Variants in NRG1 observed in about 807,000 individuals in gnomAD.
NRG1 encodes the protein pro-neuregulin-1, membrane-bound isoform.
NRG1 carries 18 observed loss-of-function variants against 63.8 expected under a neutral mutation model. The observed-to-expected ratio is 0.28, with a 90% CI of 0.19 to 0.42. The LOEUF (loss-of-function observed/expected upper bound fraction) is 0.42, where lower values mean the gene tolerates loss of function less well. NRG1 is among the 10% of genes least tolerant of loss of function. NRG1 has a pLI of 1.00. For missense variants in NRG1, 762 were observed against 814.7 expected (o/e 0.94, Z 0.79); for synonymous variants, 302 against 301.3 (o/e 1.00, Z -0.02).
chr8:32,384,169 C>G (rs1810699760), intron 1 of NRG1, among the ~76,000 whole-genome samples: 1 of 152,044 alleles, frequency 6.6e-6, no homozygotes, highest in East Asian at 1.9e-4. Context: ...GGGAGGAGTT[C>G]AAGGCTGCAG....
At chr8:31,909,778 G>A (rs150999426) in intron 1 of NRG1, among the ~76,000 whole-genome samples, 9 of 152,258 alleles carry the variant, frequency 5.9e-5, no homozygotes, top group Admixed American at 2.0e-4. Context: ...CCTATCAAGC[G>A]GTGCGTTGTA....
intron 5 of NRG1, among the ~76,000 whole-genome samples, chr8:32,673,842 A>T (rs1268612052): frequency 9.9e-5 from 15 of 152,196 alleles, no homozygotes; most frequent in Non-Finnish European, 2.1e-4. Flanking sequence ...ACTTGAGCTG[A>T]ATGCTCTTGT....
intron 1 of NRG1, among the ~76,000 whole-genome samples, chr8:32,392,409 T>C (rs1002058856): frequency 6.6e-6 from 1 of 152,216 alleles, no homozygotes; most frequent in African/African-American, 2.4e-5. Flanking sequence ...AGTAAAAACA[T>C]GGGAAGGCAG....
chr8:32,264,784 T>A (rs1022580032), intron 1 of NRG1, among the ~76,000 whole-genome samples: 11 of 152,172 alleles, frequency 7.2e-5, no homozygotes, highest in African/African-American at 2.6e-4. Flanking sequence ...TACTGCTCTA[T>A]TAGTGGTTCC....
intron 5 of NRG1, chr8:32,722,025 G>A (rs1180724949): frequency 2.6e-6 from 4 of 1,548,130 alleles, no homozygotes; most frequent in Non-Finnish European, 3.5e-6. Context: ...AAACACATAA[G>A]CATTGAAGAT....
At chr8:32,519,519 C>T (rs115784675) in intron 1 of NRG1, among the ~76,000 whole-genome samples, 1,880 of 151,256 alleles carry the variant, frequency 0.012, 39 homozygotes, top group African/African-American at 0.042. Flanking sequence ...TGAGATTATA[C>T]GCAAGATTTG....
chr8:32,059,254 A>G (rs967274253), intron 1 of NRG1, among the ~76,000 whole-genome samples: 1 of 151,742 alleles, frequency 6.6e-6, no homozygotes. Flanking sequence ...CTATCATATT[A>G]TCTAGTCTAT....
At chr8:32,101,453 A>G (rs1409516877) in intron 1 of NRG1, among the ~76,000 whole-genome samples, 1 of 149,496 alleles carries the variant, frequency 6.7e-6, no homozygotes, top group Non-Finnish European at 1.5e-5. Flanking sequence ...AGTCTTTTTC[A>G]TACCTTCTTG....
chr8:31,781,974 A>G (rs1473654505), intron 1 of NRG1, among the ~76,000 whole-genome samples: 1 of 152,130 alleles, frequency 6.6e-6, no homozygotes, highest in Non-Finnish European at 1.5e-5. Context: ...CCCTCCACTG[A>G]ACCCACCTGG....
Position 32,531,358 on chromosome 8 carries a change from G to T in NRG1, c.38-64470G>T, listed in dbSNP as rs572429406. 5.9e-5 allele frequency among the ~76,000 whole-genome samples: 9 copies of T among 152,176 alleles called. No homozygotes were observed. In the South Asian group the frequency reaches 1.2e-3, roughly 21 times the overall value. ...TTCTAGTCACTTAAAATGCCTCCAAGAAAGTCACTGTTTTTGTCCATTTAT... is the reference window on the plus strand; with the variant it reads ...TTCTAGTCACTTAAAATGCCTCCAATAAAGTCACTGTTTTTGTCCATTTAT... On this transcript the variant is annotated intron_variant, in intron 1 of 10. Coordinates refer to the NRG1 transcript ENST00000519301.
chr8:32,386,629 C>A (rs959491860), intron 1 of NRG1, among the ~76,000 whole-genome samples: 1 of 152,104 alleles, frequency 6.6e-6, no homozygotes, highest in African/African-American at 2.4e-5. Context: ...ATTCTAAGGC[C>A]TATAAAGTAT....
At chr8:32,174,789 T>C (rs1248822865) in intron 1 of NRG1, among the ~76,000 whole-genome samples, 2 of 152,138 alleles carry the variant, frequency 1.3e-5, no homozygotes, top group African/African-American at 4.8e-5. Flanking sequence ...CAGGAAGAAG[T>C]TGAATCTCTG....
In NRG1 at chr8:32,681,770, T is replaced by C. The variant is rs1189062973; in HGVS notation, c.503-46179T>C. ...ACAGGAAACTGTCTGCAAATAAACATGTATAATGATTTTAGTGTATATGAC... is the reference window on the plus strand; with the variant it reads ...ACAGGAAACTGTCTGCAAATAAACACGTATAATGATTTTAGTGTATATGAC... On this transcript the variant is annotated intron_variant, in intron 5 of 11. Coordinates refer to ENST00000356819, the Ensembl canonical transcript of NRG1. 5.3e-5 allele frequency among the ~76,000 whole-genome samples: 8 copies of C among 152,288 alleles called. No homozygotes were observed. In the South Asian group the frequency reaches 1.2e-3, roughly 24 times the overall value.
intron 1 of NRG1, among the ~76,000 whole-genome samples, chr8:32,534,880 A>G (rs1468924246): frequency 6.6e-6 from 1 of 152,120 alleles, no homozygotes; most frequent in Non-Finnish European, 1.5e-5. Context: ...GCATTCTAAG[A>G]TTGTTCCAGG....
chr8:32,049,763 A>G (rs1821674158), intron 1 of NRG1, among the ~76,000 whole-genome samples: 1 of 152,158 alleles, frequency 6.6e-6, no homozygotes, highest in Non-Finnish European at 1.5e-5. Context: ...GAAAGGGAAG[A>G]TGATGATTTT....
At chr8:32,445,445 A>G (rs984295914) in intron 1 of NRG1, among the ~76,000 whole-genome samples, 1 of 152,178 alleles carries the variant, frequency 6.6e-6, no homozygotes, top group Non-Finnish European at 1.5e-5. Flanking sequence ...ATTTCCCCTA[A>G]GAATCCTGCT....
Position 32,488,811 on chromosome 8 carries a change from A to G in NRG1, c.38-107017A>G, listed in dbSNP as rs1196271439. Among the ~76,000 whole-genome samples the G allele has an allele frequency of 2.6e-5, 4 of 152,134 alleles. No individual in the cohort carries two copies. In the East Asian group the frequency reaches 7.7e-4, roughly 29 times the overall value. On this transcript the variant is annotated intron_variant, in intron 1 of 10. Coordinates refer to the NRG1 transcript ENST00000519301. Reference sequence around the variant, plus strand: ...CAGAAATCTGTAGCATCTAGATCAGAGTGACACCTCAGAGTTTCGAGTAAC... The same window carrying G: ...CAGAAATCTGTAGCATCTAGATCAGGGTGACACCTCAGAGTTTCGAGTAAC...
chr8:32,250,539 A>G (rs985116423), intron 1 of NRG1, among the ~76,000 whole-genome samples: 2 of 121,388 alleles, frequency 1.6e-5, no homozygotes, highest in African/African-American at 6.6e-5. Flanking sequence ...GTCTATTCCC[A>G]GCTGTTCTAT....
In NRG1 at chr8:31,920,234, TGTTA is replaced by T. The variant is rs539714443; in HGVS notation, c.37+280807_37+280810del. Among the ~76,000 whole-genome samples the T allele has an allele frequency of 7.7e-4, 117 of 152,298 alleles. 1 individual carries two copies. The highest frequency in any genetic ancestry group is 2.6e-3 in the African/African-American group (107 of 41,578). On this transcript the variant is annotated intron_variant, in intron 1 of 10. Transcript: ENST00000519301. Reference sequence around the variant, plus strand: ...TAGATTAGAATTGTGATACTTGTACTGTTAGTTGCACTGTACATAAATATTTTGA... The same window carrying T: ...TAGATTAGAATTGTGATACTTGTACTGTTGCACTGTACATAAATATTTTGA...
Sources: allele counts gnomAD v4.1 joint callset (sites outside exome capture counted in the v4.1 genomes callset), GRCh38; gene constraint gnomAD v4.1.1; transcripts MANE v1.5; gene names NCBI Gene and HGNC (gene_info 2026-07-23, HGNC 2026-07-21).